ELMO1: variants seen among roughly 807,000 people sequenced by gnomAD.
ELMO1 encodes engulfment and cell motility protein 1.
In ELMO1, 26 loss-of-function variants were observed where a neutral mutation model predicts 98.9. The ratio of observed to expected loss-of-function variants is 0.26; its 90% CI spans 0.19 to 0.36. ELMO1 has a LOEUF of 0.36. Among genes scored for constraint, ELMO1 ranks in the 10% least tolerant of loss-of-function variants. The pLI, the probability that ELMO1 is intolerant of heterozygous loss-of-function variation, is 1.00. For synonymous variants in ELMO1, 346 were observed against 346.0 expected (o/e 1.00, Z 0.00); for missense variants, 627 against 935.2 (o/e 0.67, Z 4.30).
At chr7:37,337,879 T>A (rs78960727) in intron 2 of ELMO1, among the ~76,000 whole-genome samples, 7 of 151,918 alleles carry the variant, frequency 4.6e-5, no homozygotes, top group African/African-American at 1.5e-4. Flanking sequence ...AAAAAAAAAA[T>A]CACAGAGTAC....
At chr7:37,430,451 A>G (rs886522158) in intron 1 of ELMO1, among the ~76,000 whole-genome samples, 1 of 152,242 alleles carries the variant, frequency 6.6e-6, no homozygotes, top group Non-Finnish European at 1.5e-5. Context: ...TGGGAAGTAT[A>G]AAAATGGTCG....
chr7:37,279,333 G>A (rs933135148), intron 4 of ELMO1, among the ~76,000 whole-genome samples: 1 of 152,202 alleles, frequency 6.6e-6, no homozygotes, highest in African/African-American at 2.4e-5. Context: ...CATCATGGCG[G>A]ACGGGAGGCA....
At chr7:37,229,047 A>G (rs746612264) in intron 8 of ELMO1, among the ~76,000 whole-genome samples, 1 of 152,190 alleles carries the variant, frequency 6.6e-6, no homozygotes, top group Non-Finnish European at 1.5e-5. Flanking sequence ...CCACTCCTGT[A>G]TTTAAAATTA....
rs60344761 is a variant in ELMO1 at position 37,267,038 on chromosome 7, TACACACACACACACACACACACAC to T, written c.243+4770_243+4793del. On this transcript the variant is annotated intron_variant, in intron 5 of 21. Coordinates refer to ENST00000310758, the MANE Select transcript of ELMO1 (RefSeq NM_014800.11). ...AAAAAAAAAAAAAAATATGTATATATACACACACACACACACACACACACACACACACACACACACACACACACA... is the reference window on the plus strand; with the variant it reads ...AAAAAAAAAAAAAAATATGTATATATACACACACACACACACACACACACA... 1.1e-3 allele frequency among the ~76,000 whole-genome samples: 108 copies of T among 100,318 alleles called. 1 individual carries two copies. Among genetic ancestry groups the T allele is most frequent in the African/African-American group, 3.7e-3 (101 of 27,278 alleles). The allele number at this position is 100,318 out of a possible 152,430, so 65.8% of individuals were successfully genotyped here.
chr7:36,939,401 G>A (rs1210295658), intron 16 of ELMO1, among the ~76,000 whole-genome samples: 1 of 150,068 alleles, frequency 6.7e-6, no homozygotes, highest in Non-Finnish European at 1.5e-5. Context: ...GTCAGGCTAG[G>A]GGTTCATGTA....
chr7:36,870,368 AT>A lies in ELMO1; in HGVS notation c.1905+24del. 2 of 1,612,476 alleles carry A rather than the reference AT, an allele frequency of 1.2e-6. No individual in the cohort carries two copies. The highest frequency in any genetic ancestry group is 1.7e-6 in the Non-Finnish European group (2 of 1,178,634). Reference sequence around the variant, plus strand: ...CCGACCGCACTGGGCAAATAGAGCTATTTGCAATAATTTGGAAATCATACCT... The same window carrying A: ...CCGACCGCACTGGGCAAATAGAGCTATTGCAATAATTTGGAAATCATACCT... On this transcript the variant is annotated intron_variant, in intron 20 of 21. Transcript: ENST00000310758. This position sits in a 1 kb window ranked among gnomAD's most constrained non-coding sequence, Gnocchi z 4.4.
At chr7:37,265,553 G>A (rs959246884) in intron 5 of ELMO1, among the ~76,000 whole-genome samples, 6 of 151,916 alleles carry the variant, frequency 3.9e-5, no homozygotes, top group East Asian at 1.9e-4. Flanking sequence ...CTCATGAGGC[G>A]TCCCTGTCCA....
intron 16 of ELMO1, among the ~76,000 whole-genome samples, chr7:37,009,568 C>T (rs1793402600): frequency 6.6e-6 from 1 of 152,246 alleles, no homozygotes; most frequent in Non-Finnish European, 1.5e-5. Flanking sequence ...CTATTCCTGC[C>T]TCTGATAGAA....
chr7:37,298,255 A>G (rs1003604133), intron 4 of ELMO1, among the ~76,000 whole-genome samples: 9 of 151,462 alleles, frequency 5.9e-5, no homozygotes, highest in Non-Finnish European at 1.2e-4. Context: ...GGTAGAATAA[A>G]AGTAGGTGGA....
chr7:36,981,406 G>GT (rs1791040256), intron 16 of ELMO1, among the ~76,000 whole-genome samples: 1 of 151,928 alleles, frequency 6.6e-6, no homozygotes, highest in Non-Finnish European at 1.5e-5. Flanking sequence ...ATAATATCTG[G>GT]TATTGAAGGC....
At chr7:37,403,339 C>T (rs1159482935) in intron 1 of ELMO1, among the ~76,000 whole-genome samples, 1 of 152,072 alleles carries the variant, frequency 6.6e-6, no homozygotes, top group Non-Finnish European at 1.5e-5. Context: ...AGGAGGATCA[C>T]TGGAAGCCAA....
chr7:36,913,640 T>G (rs1230755642), intron 16 of ELMO1, among the ~76,000 whole-genome samples: 5 of 152,232 alleles, frequency 3.3e-5, no homozygotes, highest in Non-Finnish European at 7.3e-5. Flanking sequence ...TGTGTTCTAC[T>G]AGCCCCACCT....
At chr7:37,281,124 T>C (rs1260033636) in intron 4 of ELMO1, among the ~76,000 whole-genome samples, 2 of 151,474 alleles carry the variant, frequency 1.3e-5, no homozygotes, top group African/African-American at 2.4e-5. Flanking sequence ...TCTAAGTAAA[T>C]TAGGAATGCA....
chr7:36,980,085 G>C (rs536680804), intron 16 of ELMO1, among the ~76,000 whole-genome samples: 80 of 152,208 alleles, frequency 5.3e-4, no homozygotes, highest in Non-Finnish European at 1.0e-3. Flanking sequence ...AGCTCCCAAA[G>C]CGCAAGGCTG....
intron 6 of ELMO1, among the ~76,000 whole-genome samples, chr7:37,257,558 A>C (rs576086649): frequency 2.7e-5 from 4 of 149,810 alleles, no homozygotes; most frequent in Middle Eastern, 3.5e-3. Context: ...CCCTGTCTCT[A>C]CTAAAAATAC....
intron 16 of ELMO1, among the ~76,000 whole-genome samples, chr7:36,927,848 G>A (rs774332008): frequency 2.6e-5 from 4 of 152,182 alleles, no homozygotes; most frequent in Non-Finnish European, 5.9e-5. Context: ...TAATTCCAAG[G>A]ACTGTCATTT....
intron 16 of ELMO1, among the ~76,000 whole-genome samples, chr7:36,965,364 T>C (rs531048816): frequency 5.9e-5 from 9 of 152,254 alleles, no homozygotes; most frequent in African/African-American, 2.2e-4. Flanking sequence ...AGAGAATGAA[T>C]GAATAATTAA....
intron 16 of ELMO1, among the ~76,000 whole-genome samples, chr7:36,945,430 T>C (rs1242577603): frequency 2.0e-5 from 3 of 152,120 alleles, no homozygotes; most frequent in Non-Finnish European, 4.4e-5. Context: ...GGTACAGGCA[T>C]ACCCCAAACC....
At position 37,073,290 on chromosome 7, in the gene ELMO1, G is replaced by A. The variant is rs543198829; in HGVS notation, c.1300+23329C>T. 1.2e-3 allele frequency among the ~76,000 whole-genome samples: 175 copies of A among 152,022 alleles called. 2 individuals are homozygous for A. Among genetic ancestry groups the A allele is most frequent in the Non-Finnish European group, 1.4e-3 (95 of 67,944 alleles). On this transcript the variant is annotated intron_variant, in intron 15 of 21. Transcript: ENST00000310758. The stretch of plus-strand genomic sequence containing the variant: ...GTTACTGATGATAATTTTGAGGGAA[G>A]GAAAAAAGAAACCAGGATTCTGAAC...
Sources: allele counts gnomAD v4.1 joint callset (sites outside exome capture counted in the v4.1 genomes callset), GRCh38; gene constraint gnomAD v4.1.1; non-coding constraint Gnocchi (gnomAD v3.1); transcripts MANE v1.5; gene names NCBI Gene and HGNC (gene_info 2026-07-23, HGNC 2026-07-21).